The following NLRP11 variants were observed in gnomAD, a reference collection of about 807,000 sequenced individuals.
NLRP11 encodes the protein NLR family pyrin domain containing 11, also known as NACHT, LRR and PYD domains-containing protein 11.
Under a neutral mutation model 79.3 loss-of-function variants are expected in NLRP11, and 53 were observed. The observed-to-expected ratio is 0.67, with a 90% CI of 0.54 to 0.84. NLRP11 has a LOEUF of 0.84. NLRP11 is among the 40% of genes least tolerant of loss of function. The probability of loss-of-function intolerance (pLI) is 0.00; values close to 1 mark genes in which losing one functional copy is unlikely to be tolerated. For synonymous variants in NLRP11, 518 were observed against 462.6 expected, an observed-to-expected ratio of 1.12 and a Z score of -1.54; for missense variants, 1,264 against 1,255.0, an observed-to-expected ratio of 1.01 and a Z score of -0.11.
intron 1 of NLRP11, among the ~76,000 whole-genome samples, chr19:55,819,571 C>T (rs373765674): frequency 1.3e-5 from 2 of 152,092 alleles, no homozygotes; most frequent in African/African-American, 4.8e-5. Flanking sequence ...AAGATCTGAT[C>T]AGATATGAGT....
chr19:55,830,774 A>C (rs530911547), intron 1 of NLRP11, among the ~76,000 whole-genome samples: 3 of 152,254 alleles, frequency 2.0e-5, no homozygotes, highest in African/African-American at 7.2e-5. Context: ...GTGCCAACTG[A>C]ACTATGAGGT....
chr19:55,833,810 T>G (rs1158411731), upstream of NLRP11, among the ~76,000 whole-genome samples: 1 of 116,880 alleles, frequency 8.6e-6, no homozygotes, highest in Non-Finnish European at 1.8e-5. Flanking sequence ...GGCACACGGA[T>G]GAACAAATAA....
At chr19:55,800,745 A>G (rs1467817269) in intron 5 of NLRP11, among the ~76,000 whole-genome samples, 1 of 152,210 alleles carries the variant, frequency 6.6e-6, no homozygotes, top group African/African-American at 2.4e-5. Context: ...TCTGATGAAA[A>G]TGTGCCCGAG....
At chr19:55,835,733 G>T (rs1023659482), upstream of NLRP11, among the ~76,000 whole-genome samples, 26 of 140,402 alleles carry the variant, frequency 1.9e-4, no homozygotes, top group Non-Finnish European at 2.8e-4. Flanking sequence ...CTGTAATTCC[G>T]GCACTTTGGG....
At chr19:55,801,179 C>CA (rs149428235) in intron 5 of NLRP11, 42,346 of 144,210 alleles carry the variant, frequency 0.29, 7,791 homozygotes, top group African/African-American at 0.55. Flanking sequence ...AACTCCATCT[C>CA]AAAAAAAAAA....
intron 1 of NLRP11, among the ~76,000 whole-genome samples, chr19:55,823,092 T>C (rs1192321793): frequency 6.8e-6 from 1 of 147,528 alleles, no homozygotes; most frequent in African/African-American, 2.6e-5. Context: ...CCTCCTCAAG[T>C]GGGTCCCTGA....
At chr19:55,827,260 C>T (rs1218830529) in intron 1 of NLRP11, among the ~76,000 whole-genome samples, 3 of 142,394 alleles carry the variant, frequency 2.1e-5, no homozygotes, top group African/African-American at 5.4e-5. Flanking sequence ...ATACAAAAAT[C>T]AATTCAAGAT....
At chr19:55,822,763 T>C (rs4619507) in intron 1 of NLRP11, among the ~76,000 whole-genome samples, 78,501 of 151,528 alleles carry the variant, frequency 0.52, 24,299 homozygotes, top group African/African-American at 0.87. Flanking sequence ...GAGGGTCCTA[T>C]GCCCACGGAG....
intron 2 of NLRP11, 79 bp downstream of exon 2, chr19:55,817,825 A>G: frequency 8.5e-7 from 1 of 1,178,310 alleles, no homozygotes. Flanking sequence ...ATTTAGAAAA[A>G]AAAAAAAAAA....
At chr19:55,785,455 GAC>G (rs1989802936) in exon 10 of NLRP11, 1 of 617,574 alleles carries the variant, frequency 1.6e-6, no homozygotes, top group African/African-American at 1.9e-5. Context: ...ATACTCTTGA[GAC>G]AGTGTAGGAA....
At chr19:55,800,875 A>C (rs1177112204) in intron 5 of NLRP11, among the ~76,000 whole-genome samples, 1 of 152,140 alleles carries the variant, frequency 6.6e-6, no homozygotes, top group Admixed American at 6.5e-5. Context: ...TGCTGGGTTA[A>C]ATACTGTTAA....
exon 3 of NLRP11, chr19:55,808,983 T>G (rs750259570): frequency 1.2e-6 from 2 of 1,614,172 alleles, no homozygotes; most frequent in Admixed American, 3.3e-5. Flanking sequence ...AACAAAGGCA[T>G]ATGGTGCGTC....
chr19:55,815,996 A>C (rs190303069), intron 2 of NLRP11, among the ~76,000 whole-genome samples: 1 of 152,358 alleles, frequency 6.6e-6, no homozygotes, highest in African/African-American at 2.4e-5. Context: ...TAGCAAAGGA[A>C]GGCCAGAAGC....
At chr19:55,821,760 A>T (rs887783779) in intron 1 of NLRP11, among the ~76,000 whole-genome samples, 1 of 150,362 alleles carries the variant, frequency 6.7e-6, no homozygotes, top group Non-Finnish European at 1.5e-5. Flanking sequence ...ACCCATTAAC[A>T]TTGTTAGTGA....
upstream of NLRP11, chr19:55,832,210 C>A (rs302474): frequency 0.089 from 13,590 of 152,206 alleles, 867 homozygotes; most frequent in East Asian, 0.28. Flanking sequence ...GTCCACACCC[C>A]GTTTATGATG....
At chr19:55,805,402 G>A (rs112264854) in intron 4 of NLRP11, among the ~76,000 whole-genome samples, 1 of 152,112 alleles carries the variant, frequency 6.6e-6, no homozygotes, top group Non-Finnish European at 1.5e-5. Context: ...TGGCGACTCG[G>A]TGGGAGACTG....
intron 1 of NLRP11, among the ~76,000 whole-genome samples, chr19:55,820,241 G>A (rs1156889560): frequency 6.6e-6 from 1 of 152,166 alleles, no homozygotes; most frequent in Non-Finnish European, 1.5e-5. Context: ...GGAAGTCACT[G>A]AGTTTCAGAA....
chr19:55,792,160 G>A (rs571268727), intron 7 of NLRP11, 141 bp downstream of exon 7: 4 of 683,372 alleles, frequency 5.9e-6, no homozygotes, highest in South Asian at 1.8e-5. Flanking sequence ...CTTTCATGTC[G>A]CCTATTCTGG....
chr19:55,810,257 T>A, exon 3 of NLRP11: 2 of 1,613,856 alleles, frequency 1.2e-6, no homozygotes, highest in Non-Finnish European at 1.7e-6. Flanking sequence ...AAAAAATTTA[T>A]AATGAAATTT....
Sources: gnomAD v4.1 joint callset for allele counts (sites outside exome capture counted in the v4.1 genomes callset) on GRCh38, gnomAD v4.1.1 for gene constraint, MANE v1.5 for transcripts, NCBI Gene and HGNC (gene_info 2026-07-23, HGNC 2026-07-21) for gene names.